Variants in PPP1R14C observed in about 807,000 individuals in gnomAD.
PPP1R14C encodes the protein protein phosphatase 1 regulatory subunit 14C.
Under a neutral mutation model 20.4 loss-of-function variants are expected in PPP1R14C, and 16 were observed. The observed-to-expected ratio is 0.78, with a 90% CI of 0.53 to 1.19. The LOEUF (loss-of-function observed/expected upper bound fraction) is 1.19, where lower values mean the gene tolerates loss of function less well. PPP1R14C is among the 50% of genes most tolerant of loss of function. The pLI is 0.00. For missense variants in PPP1R14C, 211 were observed against 220.1 expected (o/e 0.96, Z 0.26); for synonymous variants, 91 against 91.0 (o/e 1.00, Z 0.00).
At chr6:150,245,929 A>G (rs1290750865) in intron 3 of PPP1R14C, among the ~76,000 whole-genome samples, 1 of 152,234 alleles carries the variant, frequency 6.6e-6, no homozygotes, top group Non-Finnish European at 1.5e-5. Flanking sequence ...TATGCATATT[A>G]TGCACAACAT....
intron 3 of PPP1R14C, among the ~76,000 whole-genome samples, chr6:150,226,157 A>G (rs1296582208): frequency 6.6e-6 from 1 of 152,156 alleles, no homozygotes; most frequent in Non-Finnish European, 1.5e-5. Context: ...CTTGTCATGT[A>G]AATCTTCCTG....
chr6:150,223,193 GTGC>G (rs1427905140), intron 3 of PPP1R14C, among the ~76,000 whole-genome samples: 29 of 152,234 alleles, frequency 1.9e-4, no homozygotes, highest in Admixed American at 1.1e-3. Flanking sequence ...TTTCTTTTCA[GTGC>G]TGAATAATAT....
chr6:150,194,112 G>A (rs762697388), intron 1 of PPP1R14C, among the ~76,000 whole-genome samples: 37 of 152,160 alleles, frequency 2.4e-4, no homozygotes, highest in East Asian at 5.8e-4. Context: ...AGTGCCTTCC[G>A]CCTTCTGCCA....
chr6:150,171,440 G>A (rs1248726514), intron 1 of PPP1R14C, among the ~76,000 whole-genome samples: 1 of 152,140 alleles, frequency 6.6e-6, no homozygotes, highest in Non-Finnish European at 1.5e-5. Flanking sequence ...ACATTTAAAA[G>A]AGACCCGAGA....
intron 1 of PPP1R14C, among the ~76,000 whole-genome samples, chr6:150,187,697 G>A (rs539954019): frequency 5.9e-5 from 9 of 152,062 alleles, no homozygotes; most frequent in Admixed American, 1.3e-4. Flanking sequence ...GTCTATCATT[G>A]ATGGGCATTT....
At chr6:150,228,267 T>C (rs1344131253) in intron 3 of PPP1R14C, among the ~76,000 whole-genome samples, 2 of 152,230 alleles carry the variant, frequency 1.3e-5, no homozygotes, top group Admixed American at 1.3e-4. Context: ...AAGACTGCTG[T>C]CACTTCTGGC....
intron 1 of PPP1R14C, among the ~76,000 whole-genome samples, chr6:150,197,720 G>C (rs1053042470): frequency 3.7e-3 from 386 of 104,466 alleles, no homozygotes; most frequent in Middle Eastern, 0.012. Context: ...TGTGCCCCTG[G>C]CCGCCACGGT....
intron 1 of PPP1R14C, among the ~76,000 whole-genome samples, chr6:150,149,986 G>A (rs1352136745): frequency 6.6e-6 from 1 of 152,142 alleles, no homozygotes; most frequent in Non-Finnish European, 1.5e-5. Flanking sequence ...CAACTTGAAG[G>A]CAAGGAACTG....
chr6:150,166,885 TC>T (rs1777428081), intron 1 of PPP1R14C, among the ~76,000 whole-genome samples: 2 of 152,190 alleles, frequency 1.3e-5, no homozygotes, highest in East Asian at 3.8e-4. Flanking sequence ...AACCTTGAAG[TC>T]AGGAATTTTG....
chr6:150,144,954 C>T (rs1409731705), intron 1 of PPP1R14C, among the ~76,000 whole-genome samples: 1 of 152,034 alleles, frequency 6.6e-6, no homozygotes. Context: ...TGTGCTCAGT[C>T]CTGCCTCTGT....
At position 150,249,257 on chromosome 6, in the gene PPP1R14C, T is replaced by C; in HGVS notation, c.*437T>C. 3 of 399,324 alleles carry C rather than the reference T, an allele frequency of 7.5e-6. No homozygotes were observed. Among genetic ancestry groups the C allele is most frequent in the Non-Finnish European group, 8.8e-6 (2 of 226,396 alleles). The allele number at this position is 399,324 out of a possible 1,614,324, so 24.7% of individuals were successfully genotyped here. ...CAAATTTCTCACACTTGTATATATC[T>C]ACACACAACTAAGTTAAAATGTTGA... On this transcript the variant is annotated 3_prime_UTR_variant, in exon 4 of 4. Transcript: ENST00000361131.
At chr6:150,174,570 A>G (rs1031075256) in intron 1 of PPP1R14C, among the ~76,000 whole-genome samples, 1 of 152,178 alleles carries the variant, frequency 6.6e-6, no homozygotes, top group African/African-American at 2.4e-5. Context: ...GGGTAGGAAC[A>G]TTGGCTTATA....
intron 3 of PPP1R14C, among the ~76,000 whole-genome samples, chr6:150,220,423 T>C (rs755527338): frequency 6.6e-6 from 1 of 152,152 alleles, no homozygotes; most frequent in Non-Finnish European, 1.5e-5. Context: ...GCTTCTTTAT[T>C]TATAGGTAGT....
At position 150,197,896 on chromosome 6, in the gene PPP1R14C, G is replaced by T. The variant is rs577726002; in HGVS notation, c.307-16848G>T. Among the ~76,000 whole-genome samples, 103 of 127,066 alleles carry T rather than the reference G, an allele frequency of 8.1e-4. 2 individuals carry two copies. Among genetic ancestry groups the T allele is most frequent in the African/African-American group, 3.3e-3 (99 of 29,940 alleles). 83.4% of individuals were successfully genotyped at this position (127,066 alleles called of 152,430 possible). Reference sequence around the variant, plus strand: ...CAGTGGAGGAGGGCCTGGATGCCCAGCTTTGTGTGCCCCTGCCTGCCACGG... The same window carrying T: ...CAGTGGAGGAGGGCCTGGATGCCCATCTTTGTGTGCCCCTGCCTGCCACGG... On this transcript the variant is annotated intron_variant, in intron 1 of 3. Coordinates refer to ENST00000361131, the MANE Select transcript of PPP1R14C (RefSeq NM_030949.3).
At position 150,143,568 on chromosome 6, in the gene PPP1R14C, C is replaced by G. The variant is rs1197834850; in HGVS notation, c.306+70C>G. 2 of 1,151,186 alleles carry G rather than the reference C, an allele frequency of 1.7e-6. No homozygotes were observed. Among genetic ancestry groups the G allele is most frequent in the South Asian group, 1.5e-5 (1 of 68,574 alleles). 71.3% of individuals were successfully genotyped at this position (1,151,186 alleles called of 1,614,324 possible). A position where few individuals can be genotyped will look rare whatever the true frequency, so the allele number is the denominator to read the frequency against. On this transcript the variant is annotated intron_variant, in intron 1 of 3. Transcript: ENST00000361131. The surrounding 1 kb of genome is among the most constrained non-coding windows in gnomAD (Gnocchi z 5.6). The stretch of plus-strand genomic sequence containing the variant: ...CTCTGTGCCCGCGCAGTAATTTTCC[C>G]GGGCTCCAGCTCCGGGGCGCGCATG...
intron 3 of PPP1R14C, among the ~76,000 whole-genome samples, chr6:150,237,511 C>T (rs1216596406): frequency 6.6e-6 from 1 of 152,124 alleles, no homozygotes; most frequent in African/African-American, 2.4e-5. Flanking sequence ...CCCAGAGTAG[C>T]ATATTCTTGA....
In PPP1R14C at chr6:150,238,914, C is replaced by T. The variant is rs140972340; in HGVS notation, c.424-9832C>T. On this transcript the variant is annotated intron_variant, in intron 3 of 3. Coordinates refer to ENST00000361131, the MANE Select transcript of PPP1R14C (RefSeq NM_030949.3). ...TTAAATACGGGACCATGTAAAGAGG[C>T]CACATAGAGGAGGCCTTCAATCAGG... Among the ~76,000 whole-genome samples, 157 of 152,232 alleles carry T rather than the reference C, an allele frequency of 1.0e-3. 2 individuals are homozygous for T. In the East Asian group the frequency reaches 0.029, roughly 28 times the overall value.
rs1237760130 is a variant in PPP1R14C at position 150,143,456 on chromosome 6, G to A, written c.264G>A (p.Glu88=). 4 of 1,609,420 alleles carry A rather than the reference G, an allele frequency of 2.5e-6. No individual in the cohort carries two copies. Among genetic ancestry groups the A allele is most frequent in the South Asian group, 2.2e-5 (2 of 90,166 alleles). The change falls in exon 1 of 4, where the codon GAG becomes GAA. Residue 88 remains glutamate (E), a synonymous_variant. Transcript: ENST00000361131. This position sits in a 1 kb window ranked among gnomAD's most constrained non-coding sequence, Gnocchi z 5.6. ...AGCTTCGGAAGCGGCTGGTGCTGGA[G>A]GAATGGATCGTGGAGCAGCTGGGTC... ...RKELRKRLVL[E]EWIVEQLGQL...
chr6:150,171,649 C>T (rs1463468385), intron 1 of PPP1R14C, among the ~76,000 whole-genome samples: 1 of 152,192 alleles, frequency 6.6e-6, no homozygotes, highest in Admixed American at 6.5e-5. Context: ...TTGTTCTTCT[C>T]TAATTTTATT....
Sources: allele counts gnomAD v4.1 joint callset (sites outside exome capture counted in the v4.1 genomes callset), GRCh38; gene constraint gnomAD v4.1.1; non-coding constraint Gnocchi (gnomAD v3.1); transcripts MANE v1.5; gene names NCBI Gene and HGNC (gene_info 2026-07-23, HGNC 2026-07-21).